CD274: variants seen among roughly 807,000 people sequenced by gnomAD.
CD274 encodes the protein programmed cell death 1 ligand 1.
In CD274, 8 loss-of-function variants were observed where a neutral mutation model predicts 30.1. The observed-to-expected ratio is 0.27, with a 90% CI of 0.16 to 0.48. The LOEUF is 0.48. Ranked by LOEUF, CD274 falls within the 20% of genes least tolerant of loss-of-function variation. The pLI is 0.99. For missense variants in CD274, 353 were observed against 346.6 expected (o/e 1.02, Z -0.15); for synonymous variants, 152 against 124.6 (o/e 1.22, Z -1.46).
intron 3 of CD274, among the ~76,000 whole-genome samples, chr9:5,459,251 A>G (rs1220538718): frequency 6.6e-6 from 1 of 152,180 alleles, no homozygotes; most frequent in Non-Finnish European, 1.5e-5. Flanking sequence ...TCCATTTTGT[A>G]TTGTAAATTA....
rs1253310464 is a variant in CD274 at position 5,468,220 on chromosome 9, C to G, written c.*358C>G. ...TCCCTAATTTGAGGGTCAGTTCCTG[C>G]AGAAGTGCCCTTTGCCTCCACTCAA... On this transcript the variant is annotated 3_prime_UTR_variant, in exon 7 of 7. Transcript: ENST00000381577. 1 of 320,930 alleles carries G rather than the reference C, an allele frequency of 3.1e-6. No individual in the cohort carries two copies. Among genetic ancestry groups the G allele is most frequent in the Admixed American group, 4.7e-5 (1 of 21,480 alleles). The allele number at this position is 320,930 out of a possible 1,614,324, so 19.9% of individuals were successfully genotyped here.
Position 5,467,922 on chromosome 9 carries a change from A to G in CD274, c.*60A>G. The stretch of plus-strand genomic sequence containing the variant: ...TTCTCAACCTGTGGTTTAGGGGTTC[A>G]TCGGGGCTGAGCGTGACAAGAGGAA... On this transcript the variant is annotated 3_prime_UTR_variant, in exon 7 of 7. Transcript: ENST00000381577. 2 of 1,444,020 alleles carry G rather than the reference A, an allele frequency of 1.4e-6. No homozygotes were observed. The highest frequency in any genetic ancestry group is 2.0e-6 in the Non-Finnish European group (2 of 1,024,790). The allele number at this position is 1,444,020 out of a possible 1,614,324, so 89.5% of individuals were successfully genotyped here.
At chr9:5,462,325 A>G (rs1452833608) in intron 3 of CD274, among the ~76,000 whole-genome samples, 1 of 152,208 alleles carries the variant, frequency 6.6e-6, no homozygotes, top group African/African-American at 2.4e-5. Context: ...GTTTATAAAG[A>G]CAGATTTATA....
intron 1 of CD274, among the ~76,000 whole-genome samples, chr9:5,455,469 C>A (rs977031049): frequency 6.6e-6 from 1 of 152,108 alleles, no homozygotes; most frequent in African/African-American, 2.4e-5. Flanking sequence ...ATGAATTAGT[C>A]AAATCCAACT....
chr9:5,455,444 C>T (rs1258325466), intron 1 of CD274, among the ~76,000 whole-genome samples: 2 of 152,162 alleles, frequency 1.3e-5, no homozygotes, highest in East Asian at 3.8e-4. Flanking sequence ...GGCTGTGAGT[C>T]ATTCATATCT....
chr9:5,468,234 G>T lies in CD274; in HGVS notation c.*372G>T, dbSNP rs574151452. On this transcript the variant is annotated 3_prime_UTR_variant, in exon 7 of 7. Coordinates refer to ENST00000381577, the MANE Select transcript of CD274 (RefSeq NM_014143.4). Reference sequence around the variant, plus strand: ...GTCAGTTCCTGCAGAAGTGCCCTTTGCCTCCACTCAATGCCTCAATTTGTT... The same window carrying T: ...GTCAGTTCCTGCAGAAGTGCCCTTTTCCTCCACTCAATGCCTCAATTTGTT... 2.2e-4 allele frequency: 65 copies of T among 301,920 alleles called. No homozygotes were observed. Among genetic ancestry groups the T allele is most frequent in the African/African-American group, 1.2e-3 (58 of 47,486 alleles). The allele number at this position is 301,920 out of a possible 1,614,324, so 18.7% of individuals were successfully genotyped here.
intron 3 of CD274, 123 bp downstream of exon 3, chr9:5,457,543 T>C (rs1819328667): frequency 1.4e-6 from 1 of 718,700 alleles, no homozygotes; most frequent in African/African-American, 1.8e-5. Flanking sequence ...TGTTCATTCA[T>C]TCATTCAATT....
chr9:5,451,417 A>G (rs972083845), intron 1 of CD274, among the ~76,000 whole-genome samples: 3 of 152,370 alleles, frequency 2.0e-5, no homozygotes, highest in East Asian at 1.9e-4. Flanking sequence ...CATTGCATAT[A>G]TATCTCTGGA....
chr9:5,455,672 AG>A (rs1819288571), intron 1 of CD274, among the ~76,000 whole-genome samples: 1 of 152,218 alleles, frequency 6.6e-6, no homozygotes, highest in Non-Finnish European at 1.5e-5. Flanking sequence ...ATTTAGCTGT[AG>A]GGGGAAAAAG....
rs758300692 is a variant in CD274 at position 5,469,079 on chromosome 9, A to G, written c.*1217A>G. The stretch of plus-strand genomic sequence containing the variant: ...GTTGCCAAGAGGAGGAAATAGGCCA[A>G]TGTGGTCTGGGACGGTTGGATATAC... On this transcript the variant is annotated 3_prime_UTR_variant, in exon 7 of 7. Transcript: ENST00000381577. 38 of 233,116 alleles carry G rather than the reference A, an allele frequency of 1.6e-4. No homozygotes were observed. Among genetic ancestry groups the G allele is most frequent in the South Asian group, 3.6e-4 (2 of 5,532 alleles). The allele number at this position is 233,116 out of a possible 1,614,324, so 14.4% of individuals were successfully genotyped here. A position where few individuals can be genotyped will look rare whatever the true frequency, so the allele number is the denominator to read the frequency against.
At chr9:5,466,437 A>G (rs1819498893) in intron 5 of CD274, among the ~76,000 whole-genome samples, 1 of 152,198 alleles carries the variant, frequency 6.6e-6, no homozygotes, top group Non-Finnish European at 1.5e-5. Context: ...TGTTGCCAGC[A>G]TGCATTTTGA....
rs533015171 is a variant in CD274, at chr9:5,468,451, A to T, written c.*589A>T. The stretch of plus-strand genomic sequence containing the variant: ...ACTTGCTGCTTAATGATTTGCTCAC[A>T]TCTAGTAAAACATGGAGTATTTGTA... On this transcript the variant is annotated 3_prime_UTR_variant, in exon 7 of 7. Transcript: ENST00000381577. 4.3e-6 allele frequency: 1 copy of T among 233,384 alleles called. No homozygotes were observed. Among genetic ancestry groups the T allele is most frequent in the South Asian group, 1.8e-4 (1 of 5,538 alleles). The allele number at this position is 233,384 out of a possible 1,614,324, so 14.5% of individuals were successfully genotyped here.
chr9:5,464,471 TG>T (rs1476465710), intron 4 of CD274, among the ~76,000 whole-genome samples: 1 of 152,184 alleles, frequency 6.6e-6, no homozygotes, highest in Admixed American at 6.5e-5. Context: ...AGATGGATCA[TG>T]GGTCTCAGTG....
chr9:5,464,006 CA>C (rs1819454794), intron 4 of CD274, among the ~76,000 whole-genome samples: 1 of 152,080 alleles, frequency 6.6e-6, no homozygotes, highest in South Asian at 2.1e-4. Context: ...CCCCCTCCCC[CA>C]ATACATGTTG....
intron 1 of CD274, among the ~76,000 whole-genome samples, chr9:5,454,412 A>C (rs1230334787): frequency 6.6e-6 from 1 of 150,452 alleles, no homozygotes; most frequent in African/African-American, 2.4e-5. Flanking sequence ...ACACACACAC[A>C]CTTTTTTTTT....
chr9:5,470,223 G>A lies in CD274; in HGVS notation c.*2361G>A, dbSNP rs1245574122. The A allele has an allele frequency of 4.3e-6, 1 of 232,672 alleles. No individual in the cohort carries two copies. The highest frequency in any genetic ancestry group is 5.6e-5 in the Admixed American group (1 of 17,766). The allele number at this position is 232,672 out of a possible 1,614,324, so 14.4% of individuals were successfully genotyped here. On this transcript the variant is annotated 3_prime_UTR_variant, in exon 7 of 7. Transcript: ENST00000381577. Reference sequence around the variant, plus strand: ...CTCCTTGTGTTATCTGTTTGTACATGTGCATTTGTACAGTAATTGGTGTGA... The same window carrying A: ...CTCCTTGTGTTATCTGTTTGTACATATGCATTTGTACAGTAATTGGTGTGA...
At chr9:5,452,001 A>C (rs942180952) in intron 1 of CD274, among the ~76,000 whole-genome samples, 1 of 149,672 alleles carries the variant, frequency 6.7e-6, no homozygotes, top group Admixed American at 6.7e-5. Flanking sequence ...CTTTTGAGAA[A>C]GGAAGTTTAA....
chr9:5,465,039 A>T (rs1043718292), intron 4 of CD274, among the ~76,000 whole-genome samples: 2 of 149,002 alleles, frequency 1.3e-5, no homozygotes, highest in Non-Finnish European at 3.0e-5. Flanking sequence ...GTGAGCCCAG[A>T]TTGCGCCACT....
Position 5,467,985 on chromosome 9 carries a change from A to T in CD274, c.*123A>T. ...TGGGATGCAGGCAATGTGGGACTTA[A>T]AAGGCCCAAGCACTGAAAATGGAAC... On this transcript the variant is annotated 3_prime_UTR_variant, in exon 7 of 7. Transcript: ENST00000381577. 1.2e-6 allele frequency: 1 copy of T among 831,058 alleles called. No homozygotes were observed. Among genetic ancestry groups the T allele is most frequent in the Non-Finnish European group, 2.1e-6 (1 of 485,298 alleles). 51.5% of individuals were successfully genotyped at this position (831,058 alleles called of 1,614,324 possible). A position where few individuals can be genotyped will look rare whatever the true frequency, so the allele number is the denominator to read the frequency against.
Sources: gnomAD v4.1 joint callset for allele counts (sites outside exome capture counted in the v4.1 genomes callset) on GRCh38, gnomAD v4.1.1 for gene constraint, MANE v1.5 for transcripts, NCBI Gene and HGNC (gene_info 2026-07-23, HGNC 2026-07-21) for gene names.